The following CD247 variants were observed in gnomAD, a reference collection of about 807,000 sequenced individuals.
The protein encoded by CD247 is T-cell surface glycoprotein CD3 zeta chain.
In CD247, 13 loss-of-function variants were observed where a neutral mutation model predicts 30.0. That is an observed-to-expected ratio of 0.43 (90% CI 0.28 to 0.69). The LOEUF (loss-of-function observed/expected upper bound fraction) is 0.69, where lower values mean the gene tolerates loss of function less well. CD247 is among the 30% of genes least tolerant of loss of function. CD247 has a pLI of 0.16. For synonymous variants in CD247, 72 were observed against 80.0 expected, an observed-to-expected ratio of 0.90 and a Z score of 0.53; for missense variants, 193 against 212.6, an observed-to-expected ratio of 0.91 and a Z score of 0.57.
In CD247 at chr1:167,430,785, T is replaced by C. The variant is rs1651220956; in HGVS notation, c.*896A>G. 1.5e-5 allele frequency: 6 copies of C among 398,612 alleles called. No individual in the cohort carries two copies. Among genetic ancestry groups the C allele is most frequent in the East Asian group, 7.1e-5 (2 of 28,092 alleles). The allele number at this position is 398,612 out of a possible 1,614,324, so 24.7% of individuals were successfully genotyped here. A position where few individuals can be genotyped will look rare whatever the true frequency, so the allele number is the denominator to read the frequency against. ...AATGACGCAGCAGTATCCTAGTACATTGACGGGTTTTTCCTGTCCTGCCAC... is the reference window on the plus strand; with the variant it reads ...AATGACGCAGCAGTATCCTAGTACACTGACGGGTTTTTCCTGTCCTGCCAC... On this transcript the variant is annotated 3_prime_UTR_variant, in exon 8 of 8. Coordinates refer to ENST00000362089, the MANE Select transcript of CD247 (RefSeq NM_198053.3).
Position 167,444,402 on chromosome 1 carries a change from C to A in CD247, c.59-3635G>T, listed in dbSNP as rs138691046. Among the ~76,000 whole-genome samples, 8 of 152,278 alleles carry A rather than the reference C, an allele frequency of 5.3e-5. No homozygotes were observed. In the East Asian group the frequency reaches 7.7e-4, roughly 15 times the overall value. On this transcript the variant is annotated intron_variant, in intron 1 of 7. Transcript: ENST00000362089. ...TCTACCAATTCCATCCCAAAGGGACCAGCAGCTGCTTCCTAGGAGGTTTCA... is the reference window on the plus strand; with the variant it reads ...TCTACCAATTCCATCCCAAAGGGACAAGCAGCTGCTTCCTAGGAGGTTTCA...
intron 1 of CD247, among the ~76,000 whole-genome samples, chr1:167,467,141 T>C (rs1260928044): frequency 6.6e-6 from 1 of 152,240 alleles, no homozygotes; most frequent in African/African-American, 2.4e-5. Flanking sequence ...CCCGGCCCCT[T>C]TATCCTTTTC....
At chr1:167,510,670 G>T (rs1055520496) in intron 1 of CD247, among the ~76,000 whole-genome samples, 1 of 152,214 alleles carries the variant, frequency 6.6e-6, no homozygotes, top group African/African-American at 2.4e-5. Flanking sequence ...TTCACATTCT[G>T]TCTTGGAGCC....
At chr1:167,454,932 G>A (rs1444173598) in intron 1 of CD247, among the ~76,000 whole-genome samples, 2 of 152,228 alleles carry the variant, frequency 1.3e-5, no homozygotes, top group African/African-American at 4.8e-5. Flanking sequence ...CCTCCTCAGA[G>A]TCCCTGTGGC....
intron 1 of CD247, among the ~76,000 whole-genome samples, chr1:167,505,242 T>C (rs1404336501): frequency 6.6e-6 from 1 of 152,178 alleles, no homozygotes; most frequent in Non-Finnish European, 1.5e-5. Context: ...GCAATCCTCC[T>C]GCCTCAGCCT....
chr1:167,451,258 G>A (rs1046237508), intron 1 of CD247, among the ~76,000 whole-genome samples: 4 of 152,104 alleles, frequency 2.6e-5, no homozygotes, highest in African/African-American at 9.7e-5. Flanking sequence ...ACAGCTGCAG[G>A]GTTTTCTCTT....
chr1:167,470,000 G>A (rs761154517), intron 1 of CD247, among the ~76,000 whole-genome samples: 2 of 152,036 alleles, frequency 1.3e-5, no homozygotes, highest in South Asian at 2.1e-4. Flanking sequence ...GGCAACCTCC[G>A]CCTCCCAGGC....
intron 1 of CD247, among the ~76,000 whole-genome samples, chr1:167,497,967 C>A (rs1311933600): frequency 6.6e-6 from 1 of 152,238 alleles, no homozygotes; most frequent in African/African-American, 2.4e-5. Context: ...TGACCTCGGA[C>A]TGTCCTGGCC....
intron 1 of CD247, among the ~76,000 whole-genome samples, chr1:167,496,228 G>C (rs756967087): frequency 1.3e-5 from 2 of 152,228 alleles, no homozygotes; most frequent in Non-Finnish European, 2.9e-5. Flanking sequence ...AGGTAGGTAG[G>C]TAGGCAGGTA....
intron 1 of CD247, among the ~76,000 whole-genome samples, chr1:167,473,763 A>G (rs1408458916): frequency 6.6e-6 from 1 of 152,158 alleles, no homozygotes; most frequent in Non-Finnish European, 1.5e-5. Flanking sequence ...GACTTTGAGG[A>G]GCTCTCACTG....
At chr1:167,518,304 A>G in intron 1 of CD247, 104 bp downstream of exon 1, 1 of 1,064,980 alleles carries the variant, frequency 9.4e-7, no homozygotes, top group Non-Finnish European at 1.4e-6. Context: ...GCAGGATTTG[A>G]AGGAGACCCC....
intron 2 of CD247, chr1:167,440,175 C>A: frequency 5.0e-6 from 1 of 201,364 alleles, no homozygotes; most frequent in Non-Finnish European, 1.0e-5. Flanking sequence ...CCCTTTACTC[C>A]TAAATTCTTC....
rs56064266 is a variant in CD247 at position 167,431,073 on chromosome 1, G to A, written c.*608C>T. ...AGAGGCCTGAGGCAGGGAGGCTCCCGCTGCCCTCGCAGGCCCTGGCTGACC... is the reference window on the plus strand; with the variant it reads ...AGAGGCCTGAGGCAGGGAGGCTCCCACTGCCCTCGCAGGCCCTGGCTGACC... On this transcript the variant is annotated 3_prime_UTR_variant, in exon 8 of 8. Transcript: ENST00000362089. The A allele has an allele frequency of 1.9e-5, 8 of 422,844 alleles. No individual in the cohort carries two copies. Among genetic ancestry groups the A allele is most frequent in the East Asian group, 6.7e-5 (2 of 29,916 alleles). The allele number at this position is 422,844 out of a possible 1,614,324, so 26.2% of individuals were successfully genotyped here. A position where few individuals can be genotyped will look rare whatever the true frequency, so the allele number is the denominator to read the frequency against.
chr1:167,489,346 G>C (rs1654345249), intron 1 of CD247, among the ~76,000 whole-genome samples: 1 of 152,138 alleles, frequency 6.6e-6, no homozygotes. Context: ...ATGTTATTGA[G>C]GGCTTTTGTG....
At chr1:167,438,020 GAGGA>G (rs57753052) in intron 4 of CD247, among the ~76,000 whole-genome samples, 26,284 of 150,796 alleles carry the variant, frequency 0.17, 3,751 homozygotes, top group African/African-American at 0.4. Context: ...AATAAAGACA[GAGGA>G]AGGAAGGAAG....
At chr1:167,453,037 A>ATAGATATATAT (rs1410326160) in intron 1 of CD247, among the ~76,000 whole-genome samples, 31 of 98,904 alleles carry the variant, frequency 3.1e-4, no homozygotes, top group Admixed American at 1.2e-3. Flanking sequence ...GATATATATT[A>ATAGATATATAT]TATATATATA....
At chr1:167,434,968 AGCCCTC>A in intron 5 of CD247, 1 of 231,872 alleles carries the variant, frequency 4.3e-6, no homozygotes, top group African/African-American at 9.8e-5. Context: ...CTTCCTCCGG[AGCCCTC>A]CTCCAGCCCT....
chr1:167,481,815 G>C (rs536161539), intron 1 of CD247, among the ~76,000 whole-genome samples: 2 of 152,108 alleles, frequency 1.3e-5, no homozygotes, highest in African/African-American at 4.8e-5. Flanking sequence ...GTTCTGTGAG[G>C]GTGGCCAGGG....
chr1:167,467,206 G>C (rs1193191513), intron 1 of CD247, among the ~76,000 whole-genome samples: 1 of 151,254 alleles, frequency 6.6e-6, no homozygotes, highest in African/African-American at 2.4e-5. Context: ...TGCTCATTGC[G>C]GTGCACTTTT....
Sources: gnomAD v4.1 joint callset for allele counts (sites outside exome capture counted in the v4.1 genomes callset) on GRCh38, gnomAD v4.1.1 for gene constraint, MANE v1.5 for transcripts, NCBI Gene and HGNC (gene_info 2026-07-23, HGNC 2026-07-21) for gene names.